CFAP70: variants seen among roughly 807,000 people sequenced by gnomAD.
The protein encoded by CFAP70 is cilia- and flagella-associated protein 70.
In CFAP70, 81 loss-of-function variants were observed where a neutral mutation model predicts 137.6. The ratio of observed to expected loss-of-function variants is 0.59; its 90% CI spans 0.49 to 0.71. The LOEUF (loss-of-function observed/expected upper bound fraction) is 0.71. Ranked by LOEUF, CFAP70 falls within the 30% of genes least tolerant of loss-of-function variation. The pLI is 0.00. For synonymous variants in CFAP70, 382 were observed against 423.6 expected, an observed-to-expected ratio of 0.90 and a Z score of 1.20; for missense variants, 976 against 1,226.7, an observed-to-expected ratio of 0.80 and a Z score of 3.05.
intron 6 of CFAP70, 100 bp from the exon 8 acceptor site, chr10:73,335,624 T>C (rs1362484567): frequency 4.1e-6 from 3 of 737,044 alleles, no homozygotes; most frequent in African/African-American, 3.6e-5. Flanking sequence ...ACAATACTTT[T>C]CTTAGTATTA....
intron 8 of CFAP70, among the ~76,000 whole-genome samples, chr10:73,323,617 C>T (rs1329824998): frequency 1.3e-5 from 2 of 152,220 alleles, no homozygotes. Context: ...GGGTCACTCC[C>T]ACCCTAATAC....
At chr10:73,323,438 G>A (rs967000697) in intron 8 of CFAP70, among the ~76,000 whole-genome samples, 26 of 152,100 alleles carry the variant, frequency 1.7e-4, no homozygotes, top group African/African-American at 5.6e-4. Flanking sequence ...CTGAGGTACC[G>A]GGTTCATCTC....
At chr10:73,312,946 G>C (rs936992232) in intron 9 of CFAP70, among the ~76,000 whole-genome samples, 1 of 152,086 alleles carries the variant, frequency 6.6e-6, no homozygotes, top group Non-Finnish European at 1.5e-5. Context: ...ACAGAATTTC[G>C]AATTAGGCTA....
At chr10:73,286,399 G>A (rs984559018) in intron 19 of CFAP70, among the ~76,000 whole-genome samples, 5 of 152,020 alleles carry the variant, frequency 3.3e-5, no homozygotes, top group Admixed American at 2.0e-4. Flanking sequence ...AGCCGAGATC[G>A]CACCACTGCA....
intron 24 of CFAP70, 45 bp from the exon 26 acceptor site, chr10:73,269,760 C>T: frequency 8.2e-7 from 1 of 1,222,280 alleles, no homozygotes; most frequent in Non-Finnish European, 1.2e-6. Flanking sequence ...GCTGAAACCA[C>T]TATGTCCCAA....
chr10:73,277,825 C>A (rs1470689835), intron 20 of CFAP70, among the ~76,000 whole-genome samples: 2 of 152,072 alleles, frequency 1.3e-5, no homozygotes, highest in Non-Finnish European at 2.9e-5. Flanking sequence ...CAATGGTCCC[C>A]AAAAAGGAGC....
exon 14 of CFAP70, chr10:73,298,978 C>T: frequency 6.2e-7 from 1 of 1,614,058 alleles, no homozygotes; most frequent in Non-Finnish European, 8.5e-7. Flanking sequence ...CACTTCTGCT[C>T]CTCCAAGGTT....
chr10:73,299,960 T>C (rs1194670036), intron 12 of CFAP70, among the ~76,000 whole-genome samples: 1 of 152,178 alleles, frequency 6.6e-6, no homozygotes, highest in Non-Finnish European at 1.5e-5. Flanking sequence ...ATTTAAAAAC[T>C]TGTGGTATAC....
chr10:73,271,109 G>T (rs12241741), intron 24 of CFAP70, among the ~76,000 whole-genome samples: 16,038 of 152,108 alleles, frequency 0.11, 1,220 homozygotes, highest in East Asian at 0.3. Flanking sequence ...GCAATGAGCT[G>T]AGATTGAGCC....
intron 8 of CFAP70, among the ~76,000 whole-genome samples, chr10:73,327,885 A>C (rs1363641698): frequency 6.6e-6 from 1 of 152,204 alleles, no homozygotes; most frequent in African/African-American, 2.4e-5. Flanking sequence ...GGTAGGAAGA[A>C]TCAATATCGT....
chr10:73,277,510 C>T (rs60993694), intron 20 of CFAP70, 149 bp from the exon 22 acceptor site: 63,750 of 714,318 alleles, frequency 0.089, 4,478 homozygotes, highest in East Asian at 0.28. Flanking sequence ...GTCAGGAGTT[C>T]GAGACCATCC....
intron 9 of CFAP70, among the ~76,000 whole-genome samples, chr10:73,316,178 G>T (rs1317999420): frequency 6.6e-6 from 1 of 151,752 alleles, no homozygotes; most frequent in Non-Finnish European, 1.5e-5. Flanking sequence ...TATATCTTTT[G>T]TACCTTTTTA....
chr10:73,269,715 G>T, exon 25 of CFAP70: 1 of 1,606,080 alleles, frequency 6.2e-7, no homozygotes, highest in Non-Finnish European at 8.5e-7. Context: ...AGCTCCTCCA[G>T]CTTGACAGAA....
At chr10:73,289,317 A>C (rs1322326577) in intron 19 of CFAP70, among the ~76,000 whole-genome samples, 1 of 151,782 alleles carries the variant, frequency 6.6e-6, no homozygotes, top group Non-Finnish European at 1.5e-5. Context: ...ATGGAGTCTC[A>C]CTCTGTTGCC....
At chr10:73,312,682 G>A (rs2050012215) in intron 9 of CFAP70, 39 bp from the exon 11 acceptor site, 1 of 1,485,902 alleles carries the variant, frequency 6.7e-7, no homozygotes, top group East Asian at 2.4e-5. Context: ...AGCAATACAT[G>A]AGACAAACTT....
At chr10:73,282,826 CTTTTTTTTTTTTTTT>C (rs1203127459) in intron 19 of CFAP70, among the ~76,000 whole-genome samples, 1 of 90,932 alleles carries the variant, frequency 1.1e-5, no homozygotes, top group Admixed American at 1.2e-4. Flanking sequence ...TTCCTGTTAT[CTTTTTTTTTTTTTTT>C]TTTTTTTTTG....
At chr10:73,258,834 T>C (rs1260503338) in intron 25 of CFAP70, among the ~76,000 whole-genome samples, 1 of 152,212 alleles carries the variant, frequency 6.6e-6, no homozygotes, top group African/African-American at 2.4e-5. Flanking sequence ...CCAGGCTTAT[T>C]AGGATTAGGA....
At chr10:73,327,303 A>G (rs907468428) in intron 8 of CFAP70, among the ~76,000 whole-genome samples, 2 of 150,392 alleles carry the variant, frequency 1.3e-5, no homozygotes, top group African/African-American at 4.9e-5. Context: ...CATGCTAAAA[A>G]CTCTCAATAA....
At chr10:73,257,863 TCTC>T (rs2044672918) in intron 25 of CFAP70, among the ~76,000 whole-genome samples, 2 of 150,762 alleles carry the variant, frequency 1.3e-5, no homozygotes, top group Non-Finnish European at 2.9e-5. Flanking sequence ...TTCTTCTTCT[TCTC>T]CTTTTCCTTC....
Sources: allele counts gnomAD v4.1 joint callset (sites outside exome capture counted in the v4.1 genomes callset), GRCh38; gene constraint gnomAD v4.1.1; transcripts MANE v1.5; gene names NCBI Gene and HGNC (gene_info 2026-07-23, HGNC 2026-07-21).